SEMA4G: variants seen among roughly 807,000 people sequenced by gnomAD.
SEMA4G encodes semaphorin 4G, also known as semaphorin-4G.
In SEMA4G, 59 loss-of-function variants were observed where a neutral mutation model predicts 81.2. The ratio of observed to expected loss-of-function variants is 0.73; its 90% CI spans 0.59 to 0.90. SEMA4G has a LOEUF of 0.90. SEMA4G is among the 40% of genes least tolerant of loss of function. The pLI, the probability that SEMA4G is intolerant of heterozygous loss-of-function variation, is 0.00. For synonymous variants in SEMA4G, 404 were observed against 433.9 expected (o/e 0.93, Z 0.86); for missense variants, 952 against 1,102.3 (o/e 0.86, Z 1.93).
At position 100,981,183 on chromosome 10, in the gene SEMA4G, G is replaced by A. The variant is rs995770723; in HGVS notation, c.1644G>A (p.Gln548=). The change falls in exon 13 of 14, where the codon CAG becomes CAA. Residue 548 remains glutamine (Q), a synonymous_variant. Coordinates refer to ENST00000370250, the Ensembl canonical transcript of SEMA4G. ...TCTGTCCCAGGACAGCACTGATACA[G>A]GACATAGAGAGAGGAAATCGAGGCT... 2.5e-6 allele frequency: 4 copies of A among 1,614,120 alleles called. No homozygotes were observed. In the Admixed American group the frequency reaches 6.7e-5, roughly 27 times the overall value.
intron 3 of SEMA4G, among the ~76,000 whole-genome samples, 165 bp from the exon 5 acceptor site, chr10:100,977,467 G>C (rs1284050017): frequency 6.6e-6 from 1 of 152,218 alleles, no homozygotes; most frequent in African/African-American, 2.4e-5. Flanking sequence ...GCCAAGGACA[G>C]TGAGTTCCAG....
chr10:100,974,299 C>CA (rs1190879645), intron 3 of SEMA4G, among the ~76,000 whole-genome samples: 23 of 151,446 alleles, frequency 1.5e-4, no homozygotes, highest in Non-Finnish European at 1.2e-4. Context: ...GATCTGTCTA[C>CA]AAAAAAAATA....
chr10:100,969,926 T>G (rs957529516), upstream of SEMA4G: 5 of 454,718 alleles, frequency 1.1e-5, no homozygotes, highest in Non-Finnish European at 2.2e-5. Context: ...GAGACTGAGG[T>G]TAGACCTGAC....
chr10:100,978,606 G>C lies in SEMA4G; in HGVS notation c.609G>C (p.Leu203=), dbSNP rs192790321. The C allele has an allele frequency of 6.8e-6, 11 of 1,614,006 alleles. No homozygotes were observed. The African/African-American group carries it at 1.2e-4, about 18-fold the overall frequency. The change falls in exon 6 of 14, where the codon CTG becomes CTC. Residue 203 remains leucine (L), a synonymous_variant. Coordinates refer to ENST00000370250, the Ensembl canonical transcript of SEMA4G. ...GCCGGAGCCGCCACCCACACTCCCT[G>C]AGAACTGAGGAGACACCAATGCATT...
chr10:100,983,364 T>C, exon 14 of SEMA4G: 1 of 1,605,312 alleles, frequency 6.2e-7, no homozygotes, highest in Non-Finnish European at 8.5e-7. Context: ...CCTCCTGCCC[T>C]GTGACCAGCC....
exon 12 of SEMA4G, chr10:100,980,933 T>C (rs1851038517): frequency 6.2e-7 from 1 of 1,611,198 alleles, no homozygotes. Context: ...CTACTGTGGC[T>C]GGGACCCTGG....
chr10:100,969,995 G>A (rs977715685), upstream of SEMA4G: 5 of 426,876 alleles, frequency 1.2e-5, no homozygotes, highest in African/African-American at 2.0e-5. Context: ...CGGGGGAGGG[G>A]CTCTCTCAAG....
exon 9 of SEMA4G, chr10:100,979,907 T>A: frequency 1.2e-6 from 2 of 1,614,080 alleles, no homozygotes; most frequent in Non-Finnish European, 1.7e-6. Context: ...CAGGCTGTCT[T>A]TGCAGGACCC....
intron 13 of SEMA4G, chr10:100,981,436 T>A: frequency 1.2e-6 from 2 of 1,614,082 alleles, no homozygotes; most frequent in Non-Finnish European, 1.7e-6. Context: ...ATATTTAAGA[T>A]GTGAAGTGTC....
In SEMA4G at chr10:100,976,935, G is replaced by A. The variant is rs117862708; in HGVS notation, c.337-697G>A. Reference sequence around the variant, plus strand: ...GATGTCTAAGGAAGAGGTCATGGTGGTCATTTGGACTGGGTGCTGGTGGTG... The same window carrying A: ...GATGTCTAAGGAAGAGGTCATGGTGATCATTTGGACTGGGTGCTGGTGGTG... On this transcript the variant is annotated intron_variant, in intron 3 of 13. Coordinates refer to ENST00000370250, the Ensembl canonical transcript of SEMA4G. 4.7e-4 allele frequency among the ~76,000 whole-genome samples: 72 copies of A among 152,312 alleles called. No individual in the cohort carries two copies. In the East Asian group the frequency reaches 0.013, roughly 29 times the overall value.
At chr10:100,983,244 T>A in intron 13 of SEMA4G, 61 bp from the exon 15 acceptor site, 1 of 1,458,792 alleles carries the variant, frequency 6.9e-7, no homozygotes, top group Admixed American at 2.6e-5. Flanking sequence ...ACAGTCTGGC[T>A]TGCCATCTCT....
rs1008083937 is a variant in SEMA4G, at chr10:100,973,840, A to G, written c.336+231A>G. On this transcript the variant is annotated intron_variant, in intron 3 of 13. Transcript: ENST00000370250. This position sits in a 1 kb window ranked among gnomAD's most constrained non-coding sequence, Gnocchi z 5.5. Reference sequence around the variant, plus strand: ...GTCATCCAGGTTGGAGTACAGTGACATGATCATAGCTCCCTGTGGCCTTAA... The same window carrying G: ...GTCATCCAGGTTGGAGTACAGTGACGTGATCATAGCTCCCTGTGGCCTTAA... 2.0e-5 allele frequency among the ~76,000 whole-genome samples: 3 copies of G among 151,592 alleles called. No homozygotes were observed. Among genetic ancestry groups the G allele is most frequent in the Admixed American group, 6.6e-5 (1 of 15,204 alleles).
At chr10:100,985,510 T>C (rs1851405873), downstream of SEMA4G, 1 of 152,654 alleles carries the variant, frequency 6.6e-6, no homozygotes, top group African/African-American at 2.4e-5. Flanking sequence ...TCTTTAGGAA[T>C]GCCCCCACTT....
intron 3 of SEMA4G, among the ~76,000 whole-genome samples, chr10:100,977,192 C>T (rs1286886436): frequency 1.3e-5 from 2 of 152,022 alleles, no homozygotes; most frequent in Admixed American, 6.6e-5. Context: ...TTGAAACATC[C>T]CTGGGATATC....
intron 10 of SEMA4G, 21 bp from the exon 12 acceptor site, chr10:100,980,555 ACT>A (rs1851017800): frequency 2.5e-6 from 4 of 1,598,550 alleles, no homozygotes; most frequent in African/African-American, 2.7e-5. Flanking sequence ...TTGGGGTCTA[ACT>A]CTCTGCTCTT....
upstream of SEMA4G, chr10:100,969,823 G>A (rs1245594158): frequency 4.4e-6 from 2 of 451,142 alleles, no homozygotes; most frequent in South Asian, 1.6e-5. Flanking sequence ...CGGGGAGGGG[G>A]CCGCGTGGCG....
In SEMA4G at chr10:100,978,524, C is replaced by T. The variant is rs1850902746; in HGVS notation, c.530-3C>T. 6.2e-7 allele frequency: 1 copy of T among 1,613,512 alleles called. No homozygotes were observed. The highest frequency in any genetic ancestry group is 1.3e-5 in the African/African-American group (1 of 74,892). On this transcript the variant is annotated splice_region_variant and splice_polypyrimidine_tract_variant and intron_variant, in intron 5 of 13. Coordinates refer to ENST00000370250, the Ensembl canonical transcript of SEMA4G. The stretch of plus-strand genomic sequence containing the variant: ...TCTCATGCCTGGAATATCCCCACGC[C>T]AGATGGAGGCCTCTACACAGCCACT...
Position 100,980,362 on chromosome 10 carries a change from C to G in SEMA4G, c.1351+18C>G. 1 of 1,602,138 alleles carries G rather than the reference C, an allele frequency of 6.2e-7. No individual in the cohort carries two copies. The highest frequency in any genetic ancestry group is 1.7e-5 in the Admixed American group (1 of 59,918). ...GGGCACAGGTGCTTCTGATCCCAATCCCTGATCCCTGTTGGCCCTGATCAC... is the reference window on the plus strand; with the variant it reads ...GGGCACAGGTGCTTCTGATCCCAATGCCTGATCCCTGTTGGCCCTGATCAC... On this transcript the variant is annotated intron_variant, in intron 10 of 13. Coordinates refer to ENST00000370250, the Ensembl canonical transcript of SEMA4G.
At position 100,983,871 on chromosome 10, in the gene SEMA4G, T is replaced by C. The variant is rs752924036; in HGVS notation, c.2257T>C (p.Cys753Arg). ...GGGGGCTGGGGGCCTGGAGGGCAGC[T>C]GTCTCCAGATCATCCCTGGGGAGGG... Residue 753 changes from cysteine to arginine, a missense_variant, in exon 14 of 14, where the codon TGT (cysteine) becomes CGT (arginine). Physicochemically the swap from Cys to Arg is radical, Grantham distance 180. Around this residue, in one of 3 missense-constraint regions of SEMA4G, gnomAD observed 385 missense variants for 413.5 expected, o/e 0.93. Coordinates refer to ENST00000370250, the Ensembl canonical transcript of SEMA4G. 1.9e-6 allele frequency: 3 copies of C among 1,565,390 alleles called. No homozygotes were observed. In the South Asian group the frequency reaches 3.5e-5, roughly 18 times the overall value.
Sources: gnomAD v4.1 joint callset for allele counts (sites outside exome capture counted in the v4.1 genomes callset) on GRCh38, gnomAD v4.1.1 for gene constraint, gnomAD v4.1.1 regional missense constraint, Gnocchi (gnomAD v3.1) non-coding constraint, MANE v1.5 for transcripts, NCBI Gene and HGNC (gene_info 2026-07-23, HGNC 2026-07-21) for gene names.